The following YIF1A variants were observed in gnomAD, a reference collection of about 807,000 sequenced individuals.
YIF1A encodes Yip1 interacting factor homolog A, membrane trafficking protein, also known as protein YIF1A.
YIF1A carries 28 observed loss-of-function variants against 32.6 expected under a neutral mutation model. The ratio of observed to expected loss-of-function variants is 0.86; its 90% CI spans 0.64 to 1.18. The LOEUF is 1.18. Ranked by LOEUF, YIF1A falls within the 50% of genes most tolerant of loss-of-function variation. The pLI is 0.00. For missense variants in YIF1A, 373 were observed against 390.8 expected, an observed-to-expected ratio of 0.95 and a Z score of 0.38; for synonymous variants, 175 against 162.2, an observed-to-expected ratio of 1.08 and a Z score of -0.60.
intron 1 of YIF1A, among the ~76,000 whole-genome samples, chr11:66,288,754 C>T (rs1857403991): frequency 6.6e-6 from 1 of 152,208 alleles, no homozygotes; most frequent in Admixed American, 6.5e-5. Context: ...CCCGTTTTTG[C>T]CCGACTCCGG....
rs1857389869 is a variant in YIF1A, at chr11:66,288,069, G to A, written c.243+12C>T. On this transcript the variant is annotated intron_variant, in intron 2 of 7. Transcript: ENST00000376901. ...AAAATTCTGCCACCCGTGCCCCGGG[G>A]GCAGGCCACACCTCCTTGTGCACCA... 6.2e-7 allele frequency: 1 copy of A among 1,612,158 alleles called. No homozygotes were observed. The highest frequency in any genetic ancestry group is 8.5e-7 in the Non-Finnish European group (1 of 1,179,502).
chr11:66,287,155 A>T, intron 4 of YIF1A: 1 of 173,402 alleles, frequency 5.8e-6, no homozygotes, highest in East Asian at 1.5e-4. Context: ...ATAAGAGTTA[A>T]TGTTTCCTAC....
chr11:66,285,060 C>T (rs1857332335), intron 6 of YIF1A, 94 bp from the exon 7 acceptor site: 1 of 1,264,298 alleles, frequency 7.9e-7, no homozygotes, highest in Non-Finnish European at 1.1e-6. Context: ...CTAGACCCCA[C>T]CTCCCACAGC....
Position 66,284,642 on chromosome 11 carries a change from G to A in YIF1A, c.877C>T (p.Arg293Trp), listed in dbSNP as rs770477465. ...TGCCATCTGGGGCCAGGGGGTCACC[G>A]GACCAGGTGGAAAGTCAGCCAGTAT... ...IIYWLTFHLVR is the reference protein window; with the variant it reads ...IIYWLTFHLVW The change falls in exon 8 of 8, where the codon CGG becomes TGG. Residue 293 changes from arginine to tryptophan, a missense_variant. Transcript: ENST00000376901. 10 of 1,612,624 alleles carry A rather than the reference G, an allele frequency of 6.2e-6. No individual in the cohort carries two copies. Among genetic ancestry groups the A allele is most frequent in the East Asian group, 4.5e-5 (2 of 44,900 alleles).
In YIF1A at chr11:66,284,976, G is replaced by A; in HGVS notation, c.642-10C>T. The A allele has an allele frequency of 6.2e-7, 1 of 1,612,832 alleles. No individual in the cohort carries two copies. The highest frequency in any genetic ancestry group is 8.5e-7 in the Non-Finnish European group (1 of 1,179,848). ...CACACTGAGGATCATTCTGGGGGTG[G>A]GAGGAGGAAAGGGTTGGTGACCCCC... is the stretch of plus-strand genomic sequence containing the variant. On this transcript the variant is annotated splice_polypyrimidine_tract_variant and intron_variant, in intron 6 of 7. Transcript: ENST00000376901.
intron 2 of YIF1A, 38 bp from the exon 3 acceptor site, chr11:66,287,954 C>T (rs1454865608): frequency 1.2e-6 from 2 of 1,609,394 alleles, no homozygotes; most frequent in Non-Finnish European, 1.7e-6. Flanking sequence ...CAAGCCGCAC[C>T]CCAGGCCTCA....
In YIF1A at chr11:66,288,306, G is replaced by A. The variant is rs1422478433; in HGVS notation, c.32-14C>T. On this transcript the variant is annotated splice_polypyrimidine_tract_variant and intron_variant, in intron 1 of 7. Transcript: ENST00000376901. ...TGTGCTTGGAGCCTGTGGGTTTGGA[G>A]GTATCAGAGTAGATGACAGAAATAC... is the stretch of plus-strand genomic sequence containing the variant. The A allele has an allele frequency of 3.3e-5, 53 of 1,613,772 alleles. No individual in the cohort carries two copies. The Admixed American group carries it at 8.7e-4, about 26-fold the overall frequency.
Position 66,284,672 on chromosome 11 carries a change from T to C in YIF1A, c.847A>G (p.Ile283Val). 1 of 1,612,758 alleles carries C rather than the reference T, an allele frequency of 6.2e-7. No individual in the cohort carries two copies. Among genetic ancestry groups the C allele is most frequent in the African/African-American group, 1.3e-5 (1 of 75,030 alleles). Residue 283 changes from isoleucine (I) to valine (V), a missense_variant, in exon 8 of 8, where the codon ATC becomes GTC. Transcript: ENST00000376901. ...AGGTGGAAAGTCAGCCAGTATATGA[T>C]GAGGGGCTGGAAGGCTGCAGCTCCC... is the stretch of plus-strand genomic sequence containing the variant. ...TLGAAAFQPL[I>V]IYWLTFHLVR is the part of the protein sequence containing the mutation.
Position 66,289,061 on chromosome 11 carries a change from G to A in YIF1A, c.-76C>T. The stretch of plus-strand genomic sequence containing the variant: ...CGAATACTAATGAGGCAGCTGCTCC[G>A]CGCCCAGGGTACCGACCGAGGCCAC... On this transcript the variant is annotated 5_prime_UTR_variant, in exon 1 of 8. Coordinates refer to ENST00000376901, the MANE Select transcript of YIF1A (RefSeq NM_020470.3). 6.7e-7 allele frequency: 1 copy of A among 1,503,062 alleles called. No homozygotes were observed. The highest frequency in any genetic ancestry group is 8.8e-7 in the Non-Finnish European group (1 of 1,132,904). The allele number at this position is 1,503,062 out of a possible 1,614,324, so 93.1% of individuals were successfully genotyped here.
chr11:66,285,231 C>T, intron 6 of YIF1A, 150 bp downstream of exon 6: 1 of 1,254,374 alleles, frequency 8.0e-7, no homozygotes, highest in Non-Finnish European at 1.1e-6. Context: ...CACGCAGATC[C>T]TCAGGAGACT....
intron 4 of YIF1A, 120 bp downstream of exon 4, chr11:66,287,474 TACAC>T: frequency 1.7e-6 from 2 of 1,196,704 alleles, no homozygotes; most frequent in Non-Finnish European, 2.4e-6. Context: ...CTGCCACACA[TACAC>T]AAAGCACCAA....
chr11:66,285,964 T>G (rs1173818096), intron 4 of YIF1A, among the ~76,000 whole-genome samples: 1 of 152,232 alleles, frequency 6.6e-6, no homozygotes. Flanking sequence ...ACCTGACCCT[T>G]CTTCCAGAAC....
In YIF1A at chr11:66,284,631, A is replaced by AG. The variant is rs763905493; in HGVS notation, c.*5dup. 8 of 1,612,516 alleles carry AG rather than the reference A, an allele frequency of 5.0e-6. No individual in the cohort carries two copies. In the East Asian group the frequency reaches 8.9e-5, roughly 18 times the overall value. On this transcript the variant is annotated 3_prime_UTR_variant, in exon 8 of 8. Transcript: ENST00000376901. ...GAAAAACTCAGTGCCATCTGGGGCC[A>AG]GGGGGTCACCGGACCAGGTGGAAAG...
chr11:66,289,139 G>C lies in YIF1A; in HGVS notation c.-154C>G. 8.4e-7 allele frequency: 1 copy of C among 1,192,446 alleles called. No individual in the cohort carries two copies. The highest frequency in any genetic ancestry group is 1.1e-6 in the Non-Finnish European group (1 of 908,344). The allele number at this position is 1,192,446 out of a possible 1,614,324, so 73.9% of individuals were successfully genotyped here. A position where few individuals can be genotyped will look rare whatever the true frequency, so the allele number is the denominator to read the frequency against. ...GCCGGTCTCGGCCACCATGTCCGTG[G>C]CGTCATCCCCCGCGCCTGCCATTGG... On this transcript the variant is annotated 5_prime_UTR_variant, in exon 1 of 8. Coordinates refer to ENST00000376901, the MANE Select transcript of YIF1A (RefSeq NM_020470.3).
In YIF1A at chr11:66,284,747, T is replaced by G. The variant is rs1436952712; in HGVS notation, c.772A>C (p.Ser258Arg). Reference sequence around the variant, plus strand: ...TGCCGGGGGACGGGGCCCCCCATGCTGTCGGGGCCCAGGGCTGCTGTCCGC... The same window carrying G: ...TGCCGGGGGACGGGGCCCCCCATGCGGTCGGGGCCCAGGGCTGCTGTCCGC... ...SLRTAALGPD[S>R]MGGPVPRQRL... The change falls in exon 8 of 8, where the codon AGC becomes CGC. Residue 258 changes from serine (S) to arginine (R), a missense_variant. By Grantham distance (110) the Ser-to-Arg change is moderately radical. Coordinates refer to ENST00000376901, the MANE Select transcript of YIF1A (RefSeq NM_020470.3). 1 of 1,612,084 alleles carries G rather than the reference T, an allele frequency of 6.2e-7. No homozygotes were observed. Among genetic ancestry groups the G allele is most frequent in the Admixed American group, 1.7e-5 (1 of 59,934 alleles).
rs761926288 is a variant in YIF1A, at chr11:66,284,740, C to G, written c.779G>C (p.Gly260Ala). 6.2e-7 allele frequency: 1 copy of G among 1,612,168 alleles called. No individual in the cohort carries two copies. The highest frequency in any genetic ancestry group is 8.5e-7 in the Non-Finnish European group (1 of 1,179,698). The change falls in exon 8 of 8, where the codon GGG (glycine) becomes GCG (alanine). Residue 260 changes from glycine (G) to alanine (A), a missense_variant. Gly to Ala is a moderately conservative substitution (Grantham distance 60, BLOSUM62 0). Transcript: ENST00000376901. ...RTAALGPDSM[G>A]GPVPRQRLQL... ...GAGACGCTGCCGGGGGACGGGGCCC[C>G]CCATGCTGTCGGGGCCCAGGGCTGC...
chr11:66,285,003 G>C, intron 6 of YIF1A, 37 bp from the exon 7 acceptor site: 2 of 1,608,246 alleles, frequency 1.2e-6, no homozygotes, highest in Non-Finnish European at 1.7e-6. Context: ...GTGACCCCCA[G>C]GGGTCTAGGC....
chr11:66,285,815 C>T, intron 4 of YIF1A, 57 bp from the exon 5 acceptor site: 5 of 1,589,338 alleles, frequency 3.1e-6, no homozygotes, highest in Non-Finnish European at 2.6e-6. Flanking sequence ...AGCTGCCTTA[C>T]TAGGCATTCG....
Position 66,285,396 on chromosome 11 carries a change from C to A in YIF1A, c.626G>T (p.Gly209Val). 1 of 1,612,632 alleles carries A rather than the reference C, an allele frequency of 6.2e-7. No homozygotes were observed. Among genetic ancestry groups the A allele is most frequent in the South Asian group, 1.1e-5 (1 of 91,054 alleles). The change falls in exon 6 of 8, where the codon GGC becomes GTC. Residue 209 changes from glycine to valine, a missense_variant. Transcript: ENST00000376901. ...LSTFHLLAYS[G>V]YKYVGMILSV... ...AAGTGCTCACCCCACGTATTTGTAG[C>A]CACTGTAGGCCAGCAGGTGAAAGGT...
Sources: gnomAD v4.1 joint callset for allele counts (sites outside exome capture counted in the v4.1 genomes callset) on GRCh38, gnomAD v4.1.1 for gene constraint, MANE v1.5 for transcripts, NCBI Gene and HGNC (gene_info 2026-07-23, HGNC 2026-07-21) for gene names.